FLRT2: variants seen among roughly 807,000 people sequenced by gnomAD.
FLRT2 encodes fibronectin leucine rich transmembrane protein 2, also known as leucine-rich repeat transmembrane protein FLRT2.
A neutral mutation model predicts 40.0 loss-of-function variants in FLRT2; 15 were observed. The ratio of observed to expected loss-of-function variants is 0.38; its 90% CI spans 0.25 to 0.58. The LOEUF is 0.58. Among genes scored for constraint, FLRT2 ranks in the 20% least tolerant of loss-of-function variants. The probability of loss-of-function intolerance (pLI) is 0.71; values close to 1 mark genes in which losing one functional copy is unlikely to be tolerated. For synonymous variants in FLRT2, 380 were observed against 336.8 expected, an observed-to-expected ratio of 1.13 and a Z score of -1.41; for missense variants, 726 against 840.0, an observed-to-expected ratio of 0.86 and a Z score of 1.68.
At chr14:85,532,859 TA>T (rs1888368663) in intron 1 of FLRT2, among the ~76,000 whole-genome samples, 2 of 152,264 alleles carry the variant, frequency 1.3e-5, no homozygotes, top group South Asian at 4.1e-4. Context: ...GTCTAAGTAA[TA>T]GATCCTCCCT....
At chr14:85,603,917 A>G (rs1018667087) in intron 1 of FLRT2, among the ~76,000 whole-genome samples, 1 of 152,178 alleles carries the variant, frequency 6.6e-6, no homozygotes, top group Non-Finnish European at 1.5e-5. Flanking sequence ...AAATGTATGC[A>G]TGTTTCTGGA....
chr14:85,574,128 A>G (rs1022239110), intron 1 of FLRT2, among the ~76,000 whole-genome samples: 4 of 152,190 alleles, frequency 2.6e-5, no homozygotes, highest in African/African-American at 9.6e-5. Flanking sequence ...GGGCTGCACC[A>G]TTAACCAGCT....
intron 1 of FLRT2, among the ~76,000 whole-genome samples, chr14:85,565,442 A>G (rs1418244706): frequency 6.6e-6 from 1 of 152,166 alleles, no homozygotes; most frequent in African/African-American, 2.4e-5. Context: ...AATGACCTTG[A>G]TGTTGCTATT....
chr14:85,579,925 A>ATTTTTTTTTTTTTTTTTTTT (rs4015970), intron 1 of FLRT2, among the ~76,000 whole-genome samples: 2 of 117,582 alleles, frequency 1.7e-5, no homozygotes, highest in Non-Finnish European at 1.7e-5. Context: ...GGGTATTAGA[A>ATTTTTTTTTTTTTTTTTTTT]TTTTTTTTTT....
intron 1 of FLRT2, among the ~76,000 whole-genome samples, chr14:85,612,822 C>G (rs1202690215): frequency 6.6e-6 from 1 of 152,122 alleles, no homozygotes; most frequent in African/African-American, 2.4e-5. Context: ...ATTTTTTAGA[C>G]TCAAAACCAG....
intron 1 of FLRT2, among the ~76,000 whole-genome samples, chr14:85,545,497 A>T (rs1051705852): frequency 6.6e-6 from 1 of 152,244 alleles, no homozygotes; most frequent in African/African-American, 2.4e-5. Flanking sequence ...AATCAAATTC[A>T]GAGGTGATTA....
Position 85,647,587 on chromosome 14 carries a change from T to C in FLRT2, c.*24090T>C, listed in dbSNP as rs1566775681. The C allele has an allele frequency of 6.6e-6, 1 of 152,192 alleles. No homozygotes were observed. The highest frequency in any genetic ancestry group is 2.4e-5 in the African/African-American group (1 of 41,462). The allele number at this position is 152,192 out of a possible 1,614,324, so 9.4% of individuals were successfully genotyped here. On this transcript the variant is annotated 3_prime_UTR_variant, in exon 2 of 2. Transcript: ENST00000330753. ...TGATTGCCACTGAATAATTTGGTCT[T>C]TCCATGCCTATAAGCAAAGAAGTTA...
intron 1 of FLRT2, among the ~76,000 whole-genome samples, chr14:85,600,998 T>A (rs1311229019): frequency 6.6e-6 from 1 of 151,910 alleles, no homozygotes; most frequent in Non-Finnish European, 1.5e-5. Flanking sequence ...GTGTAAAAAA[T>A]AGAAATAAAT....
intron 1 of FLRT2, among the ~76,000 whole-genome samples, chr14:85,533,831 C>G (rs1460112602): frequency 1.3e-5 from 2 of 151,808 alleles, no homozygotes; most frequent in Non-Finnish European, 2.9e-5. Context: ...CCTCCGCACC[C>G]CCGCGCCCCG....
chr14:85,651,889 C>T lies in FLRT2; in HGVS notation c.*28392C>T, dbSNP rs1005723333. The T allele has an allele frequency of 2.6e-5, 4 of 151,890 alleles. No homozygotes were observed. Among genetic ancestry groups the T allele is most frequent in the South Asian group, 2.1e-4 (1 of 4,838 alleles). 9.4% of individuals were successfully genotyped at this position (151,890 alleles called of 1,614,324 possible). A position where few individuals can be genotyped will look rare whatever the true frequency, so the allele number is the denominator to read the frequency against. On this transcript the variant is annotated 3_prime_UTR_variant, in exon 2 of 2. Transcript: ENST00000330753. ...ATAAACACTTTCTTAATTTCCTGAA[C>T]AATAAAAGGAATTTCAAACATATTA...
chr14:85,543,761 A>G (rs1889115461), intron 1 of FLRT2, among the ~76,000 whole-genome samples: 1 of 152,060 alleles, frequency 6.6e-6, no homozygotes. Context: ...TACCTAGAAC[A>G]TTATCGCATA....
intron 1 of FLRT2, among the ~76,000 whole-genome samples, chr14:85,568,766 T>C (rs868118984): frequency 6.6e-6 from 1 of 152,162 alleles, no homozygotes; most frequent in South Asian, 2.1e-4. Flanking sequence ...TTACCTTTCT[T>C]CTCTCACCTA....
rs1328123706 is a variant in FLRT2, at chr14:85,631,865, C to T, written c.*8368C>T. 2 of 151,862 alleles carry T rather than the reference C, an allele frequency of 1.3e-5. No individual in the cohort carries two copies. The highest frequency in any genetic ancestry group is 2.0e-4 in the East Asian group (1 of 5,112). The allele number at this position is 151,862 out of a possible 1,614,324, so 9.4% of individuals were successfully genotyped here. A position where few individuals can be genotyped will look rare whatever the true frequency, so the allele number is the denominator to read the frequency against. On this transcript the variant is annotated 3_prime_UTR_variant, in exon 2 of 2. Transcript: ENST00000330753. ...TTTTTGAGTTGGAGTCTCACTCTGTCACCAGATTGGAGTGCAGTGGCACAA... is the reference window on the plus strand; with the variant it reads ...TTTTTGAGTTGGAGTCTCACTCTGTTACCAGATTGGAGTGCAGTGGCACAA...
intron 1 of FLRT2, among the ~76,000 whole-genome samples, chr14:85,561,687 C>A (rs1029466645): frequency 2.0e-5 from 3 of 152,200 alleles, no homozygotes; most frequent in African/African-American, 2.4e-5. Flanking sequence ...AATAAAGTTA[C>A]AGAATGACTG....
chr14:85,553,632 C>A (rs932180518), intron 1 of FLRT2, among the ~76,000 whole-genome samples: 1 of 151,910 alleles, frequency 6.6e-6, no homozygotes, highest in Non-Finnish European at 1.5e-5. Context: ...CAGATCCAAG[C>A]ACTGATTAGT....
intron 1 of FLRT2, among the ~76,000 whole-genome samples, chr14:85,581,419 T>C (rs757871864): frequency 1.7e-4 from 26 of 152,110 alleles, no homozygotes; most frequent in Non-Finnish European, 2.6e-4. Flanking sequence ...AGGAAAAGAA[T>C]TGTTGGATGC....
At chr14:85,564,464 A>G (rs948780257) in intron 1 of FLRT2, among the ~76,000 whole-genome samples, 4 of 152,182 alleles carry the variant, frequency 2.6e-5, no homozygotes, top group Non-Finnish European at 5.9e-5. Flanking sequence ...TTAAAAATAT[A>G]TTTAGGTAAT....
At chr14:85,585,249 T>A (rs1891565510) in intron 1 of FLRT2, among the ~76,000 whole-genome samples, 1 of 152,130 alleles carries the variant, frequency 6.6e-6, no homozygotes, top group Admixed American at 6.5e-5. Flanking sequence ...TTGACGGAAG[T>A]GAGGATCTGC....
chr14:85,558,209 C>T (rs1890094693), intron 1 of FLRT2, among the ~76,000 whole-genome samples: 1 of 151,998 alleles, frequency 6.6e-6, no homozygotes, highest in African/African-American at 2.4e-5. Context: ...GGTTTATGCC[C>T]TATTTTTAAT....
Sources: gnomAD v4.1 joint callset for allele counts (sites outside exome capture counted in the v4.1 genomes callset) on GRCh38, gnomAD v4.1.1 for gene constraint, MANE v1.5 for transcripts, NCBI Gene and HGNC (gene_info 2026-07-23, HGNC 2026-07-21) for gene names.